The following DTNA variants were observed in gnomAD, a reference collection of about 807,000 sequenced individuals.
DTNA encodes the protein dystrophin-related protein 3.
A neutral mutation model predicts 100.7 loss-of-function variants in DTNA; 43 were observed. The observed-to-expected ratio is 0.43, with a 90% confidence interval of 0.33 to 0.55. DTNA has a LOEUF of 0.55. Among genes scored for constraint, DTNA ranks in the 20% least tolerant of loss-of-function variants. The pLI, the probability that DTNA is intolerant of heterozygous loss-of-function variation, is 0.04. For synonymous variants in DTNA, 349 were observed against 347.9 expected (o/e 1.00, Z -0.04); for missense variants, 798 against 953.9 (o/e 0.84, Z 2.15).
chr18:34,838,872 AGAGGGATACAGTCTGAGCTGGT>A, intron 13 of DTNA, 35 bp downstream of exon 13: 2 of 1,576,896 alleles, frequency 1.3e-6, no homozygotes, highest in Middle Eastern at 1.7e-4. Flanking sequence ...CTGTCCTTAG[AGAGGGATACAGTCTGAGCTGGT>A]GACAAGCAGT....
At chr18:34,540,917 A>G (rs1207425880) in intron 1 of DTNA, among the ~76,000 whole-genome samples, 2 of 152,052 alleles carry the variant, frequency 1.3e-5, no homozygotes, top group African/African-American at 2.4e-5. Flanking sequence ...CCTTGAAGGT[A>G]GGGTTTTCAT....
intron 1 of DTNA, among the ~76,000 whole-genome samples, chr18:34,615,149 T>C (rs1170502851): frequency 6.6e-6 from 1 of 152,002 alleles, no homozygotes; most frequent in African/African-American, 2.4e-5. Context: ...TCAGGGAGCT[T>C]TGACTTACAG....
intron 1 of DTNA, among the ~76,000 whole-genome samples, chr18:34,497,208 A>C (rs1430143344): frequency 6.6e-6 from 1 of 152,162 alleles, no homozygotes; most frequent in Non-Finnish European, 1.5e-5. Flanking sequence ...GGATGTCTCA[A>C]AATAGAACTT....
At chr18:34,602,735 G>A (rs992286481) in intron 1 of DTNA, among the ~76,000 whole-genome samples, 11 of 151,904 alleles carry the variant, frequency 7.2e-5, no homozygotes, top group Non-Finnish European at 1.3e-4. Context: ...AAAGAGGCCC[G>A]GCGTGGTGGC....
At chr18:34,887,236 T>C (rs2096929810) in intron 22 of DTNA, among the ~76,000 whole-genome samples, 1 of 152,246 alleles carries the variant, frequency 6.6e-6, no homozygotes, top group Non-Finnish European at 1.5e-5. Context: ...CTAGCCACTT[T>C]TGAAGAAACG....
chr18:34,755,990 G>A lies in DTNA; in HGVS notation c.14G>A (p.Ser5Asn). Residue 5 changes from serine (S) to asparagine (N), a missense_variant, in exon 2 of 23, where the codon AGT becomes AAT. Transcript: ENST00000444659. MIED[S>N]GKRGNTMAER... Reference sequence around the variant, plus strand: ...TTGTCTCATAGAATGATTGAAGATAGTGGGAAAAGAGGAAATACCATGGCA... The same window carrying A: ...TTGTCTCATAGAATGATTGAAGATAATGGGAAAAGAGGAAATACCATGGCA... 6.2e-7 allele frequency: 1 copy of A among 1,613,314 alleles called. No individual in the cohort carries two copies. The highest frequency in any genetic ancestry group is 8.5e-7 in the Non-Finnish European group (1 of 1,179,534).
intron 1 of DTNA, among the ~76,000 whole-genome samples, chr18:34,542,073 A>C (rs2044298386): frequency 6.6e-6 from 1 of 152,052 alleles, no homozygotes; most frequent in Admixed American, 6.6e-5. Flanking sequence ...CCCTCAGTCT[A>C]GCTGTGGACA....
At chr18:34,563,824 T>C (rs1294656316) in intron 1 of DTNA, among the ~76,000 whole-genome samples, 1 of 152,204 alleles carries the variant, frequency 6.6e-6, no homozygotes. Flanking sequence ...TCCCCTGTTT[T>C]TCAAATATAA....
At chr18:34,666,534 C>T (rs112967967) in intron 1 of DTNA, among the ~76,000 whole-genome samples, 1 of 152,032 alleles carries the variant, frequency 6.6e-6, no homozygotes, top group Non-Finnish European at 1.5e-5. Context: ...AGGTTTTCTT[C>T]TAGGGTTTTT....
intron 3 of DTNA, among the ~76,000 whole-genome samples, chr18:34,786,637 A>G (rs1191168872): frequency 6.6e-6 from 1 of 152,066 alleles, no homozygotes; most frequent in Non-Finnish European, 1.5e-5. Flanking sequence ...ACACACACAA[A>G]ACCACACACA....
chr18:34,549,758 G>A (rs2145906031), intron 1 of DTNA, among the ~76,000 whole-genome samples: 1 of 152,008 alleles, frequency 6.6e-6, no homozygotes, highest in East Asian at 1.9e-4. Flanking sequence ...CATATTAGAT[G>A]AGATTTTTTA....
At chr18:34,864,645 G>T (rs903115558) in intron 17 of DTNA, among the ~76,000 whole-genome samples, 2 of 152,168 alleles carry the variant, frequency 1.3e-5, no homozygotes, top group African/African-American at 4.8e-5. Context: ...CTTTATGTCT[G>T]CAAGTAATAA....
chr18:34,817,478 A>G (rs1044525595), intron 7 of DTNA, among the ~76,000 whole-genome samples: 8 of 151,986 alleles, frequency 5.3e-5, no homozygotes, highest in Non-Finnish European at 1.0e-4. Context: ...CAAATTTCCT[A>G]CCAAAGAAAG....
chr18:34,537,750 A>G (rs1259216936), intron 1 of DTNA, among the ~76,000 whole-genome samples: 1 of 151,994 alleles, frequency 6.6e-6, no homozygotes, highest in Non-Finnish European at 1.5e-5. Flanking sequence ...GTTGGGATCT[A>G]GTAAAGAGGA....
At chr18:34,817,400 T>C (rs182310583) in intron 7 of DTNA, among the ~76,000 whole-genome samples, 95 of 152,332 alleles carry the variant, frequency 6.2e-4, no homozygotes, top group African/African-American at 2.2e-3. Flanking sequence ...TTACTTGGAT[T>C]TGATCACTTA....
chr18:34,648,203 A>C (rs1223862802), intron 1 of DTNA, among the ~76,000 whole-genome samples: 1 of 152,198 alleles, frequency 6.6e-6, no homozygotes, highest in East Asian at 1.9e-4. Flanking sequence ...GGCAGAAGTG[A>C]GGCTAAAAAA....
chr18:34,494,079 G>A (rs2038892489), intron 1 of DTNA: 1 of 151,720 alleles, frequency 6.6e-6, no homozygotes, highest in African/African-American at 2.4e-5. Flanking sequence ...CTGCTGCCGC[G>A]GCGCCGCTCG....
intron 1 of DTNA, among the ~76,000 whole-genome samples, chr18:34,693,780 GT>G (rs2080121331): frequency 6.7e-6 from 1 of 150,196 alleles, no homozygotes; most frequent in Non-Finnish European, 1.5e-5. Flanking sequence ...GTGTGTGTGT[GT>G]GTGTAAAACC....
intron 3 of DTNA, among the ~76,000 whole-genome samples, chr18:34,790,283 C>T (rs1428627363): frequency 6.6e-6 from 1 of 152,050 alleles, no homozygotes. Flanking sequence ...TTGGTCTACA[C>T]AAGAGTGCCC....
Sources: allele counts gnomAD v4.1 joint callset (sites outside exome capture counted in the v4.1 genomes callset), GRCh38; gene constraint gnomAD v4.1.1; transcripts MANE v1.5; gene names NCBI Gene and HGNC (gene_info 2026-07-23, HGNC 2026-07-21).